Variants in SHISA9 observed in about 807,000 individuals in gnomAD.
SHISA9 encodes protein shisa-9.
SHISA9 carries 13 observed loss-of-function variants against 38.0 expected under a neutral mutation model. The observed-to-expected ratio is 0.34, with a 90% CI of 0.22 to 0.54. The LOEUF (loss-of-function observed/expected upper bound fraction) is 0.54. Ranked by LOEUF, SHISA9 falls within the 20% of genes least tolerant of loss-of-function variation. The pLI, the probability that SHISA9 is intolerant of heterozygous loss-of-function variation, is 0.91. For synonymous variants in SHISA9, 275 were observed against 242.0 expected, an observed-to-expected ratio of 1.14 and a Z score of -1.27; for missense variants, 538 against 575.8, an observed-to-expected ratio of 0.93 and a Z score of 0.67.
the SHISA9 span, among the ~76,000 whole-genome samples, chr16:13,393,169 T>C: frequency 6.6e-6 from 1 of 152,116 alleles, no homozygotes; most frequent in Non-Finnish European, 1.5e-5. Context: ...CCTGATACCC[T>C]CGTGCTCACT....
intron 2 of SHISA9, among the ~76,000 whole-genome samples, chr16:13,060,987 T>A (rs2073368587): frequency 6.6e-6 from 1 of 152,118 alleles, no homozygotes; most frequent in South Asian, 2.1e-4. Context: ...CATTTCCATG[T>A]CCCCTCCAAG....
chr16:13,419,498 T>TTTTAAACCTTAGCCTTTGTTAGCGTG, the SHISA9 span, among the ~76,000 whole-genome samples: 1 of 152,240 alleles, frequency 6.6e-6, no homozygotes, highest in African/African-American at 2.4e-5. Flanking sequence ...CATTTTTAGT[T>TTTTAAACCTTAGCCTTTGTTAGCGTG]TTTAAACCTT....
intron 2 of SHISA9, among the ~76,000 whole-genome samples, chr16:13,189,834 C>T (rs921682508): frequency 1.3e-5 from 2 of 152,004 alleles, no homozygotes; most frequent in South Asian, 2.1e-4. Context: ...ATTAGAACTG[C>T]GAGTAAAGAA....
At position 13,240,046 on chromosome 16, in the gene SHISA9, C is replaced by T. The variant is rs2051422191; in HGVS notation, c.*4637C>T. On this transcript the variant is annotated 3_prime_UTR_variant, in exon 5 of 5. Transcript: ENST00000558583. ...CTAATTCCATGCCCTGACATCAGCC[C>T]CTATTTTTTGCCTTTAGCTGTCCCC... 1 of 152,318 alleles carries T rather than the reference C, an allele frequency of 6.6e-6. No individual in the cohort carries two copies. The highest frequency in any genetic ancestry group is 2.4e-5 in the African/African-American group (1 of 41,440). The allele number at this position is 152,318 out of a possible 1,614,324, so 9.4% of individuals were successfully genotyped here.
At chr16:13,171,091 C>A (rs369788611) in intron 2 of SHISA9, among the ~76,000 whole-genome samples, 1 of 152,174 alleles carries the variant, frequency 6.6e-6, no homozygotes, top group African/African-American at 2.4e-5. Context: ...TTTCCAATCA[C>A]GGCCAAAATT....
At chr16:13,304,031 A>G in the SHISA9 span, among the ~76,000 whole-genome samples, 2 of 152,190 alleles carry the variant, frequency 1.3e-5, no homozygotes, top group East Asian at 3.8e-4. Context: ...AAAAAATAAT[A>G]AAGCAGGAAA....
At chr16:13,263,713 C>T in the SHISA9 span, among the ~76,000 whole-genome samples, 4 of 152,164 alleles carry the variant, frequency 2.6e-5, no homozygotes, top group African/African-American at 9.7e-5. Flanking sequence ...TCCTACATGA[C>T]TGTGTATAAA....
the SHISA9 span, among the ~76,000 whole-genome samples, chr16:13,551,630 A>G: frequency 6.6e-6 from 1 of 152,208 alleles, no homozygotes; most frequent in Non-Finnish European, 1.5e-5. Flanking sequence ...CCACATGCAT[A>G]CAATCATTAC....
chr16:13,062,175 A>C (rs1206433761), intron 2 of SHISA9, among the ~76,000 whole-genome samples: 1 of 149,516 alleles, frequency 6.7e-6, no homozygotes, highest in Non-Finnish European at 1.5e-5. Context: ...CAAGTATGGC[A>C]GGGGACTTAC....
chr16:13,068,870 T>C (rs8055001), intron 2 of SHISA9, among the ~76,000 whole-genome samples: 27 of 152,090 alleles, frequency 1.8e-4, no homozygotes, highest in African/African-American at 6.0e-4. Flanking sequence ...ATGCAATGTG[T>C]GTATGTGTAT....
At chr16:13,561,006 G>A in the SHISA9 span, among the ~76,000 whole-genome samples, 2 of 152,060 alleles carry the variant, frequency 1.3e-5, no homozygotes, top group Admixed American at 1.3e-4. Flanking sequence ...TGGGATTACA[G>A]GCGTCCGACA....
intron 2 of SHISA9, among the ~76,000 whole-genome samples, chr16:13,136,396 C>CTTTTTTTTTTT (rs35122409): frequency 7.3e-5 from 5 of 68,088 alleles, no homozygotes; most frequent in Admixed American, 1.9e-4. Flanking sequence ...CAGTTTCCTT[C>CTTTTTTTTTTT]TTTTTTTTTT....
chr16:12,920,434 C>T (rs1260775453), intron 2 of SHISA9, among the ~76,000 whole-genome samples: 4 of 152,116 alleles, frequency 2.6e-5, no homozygotes, highest in African/African-American at 9.7e-5. Flanking sequence ...TTTGATAGCA[C>T]AACAGGGTGA....
chr16:13,335,419 C>A, the SHISA9 span, among the ~76,000 whole-genome samples: 1 of 152,304 alleles, frequency 6.6e-6, no homozygotes, highest in African/African-American at 2.4e-5. Flanking sequence ...CTTTCAATAT[C>A]TATCCCCTAC....
the SHISA9 span, among the ~76,000 whole-genome samples, chr16:13,428,372 C>T: frequency 6.6e-6 from 1 of 152,176 alleles, no homozygotes; most frequent in South Asian, 2.1e-4. Context: ...TCAGTGGAGC[C>T]CTCCTGAATG....
chr16:13,244,536 C>T (rs1266533015), downstream of SHISA9, among the ~76,000 whole-genome samples: 1 of 152,172 alleles, frequency 6.6e-6, no homozygotes, highest in Non-Finnish European at 1.5e-5. Context: ...CATAAGCACA[C>T]AGTGTTATAT....
At chr16:13,234,984 C>G in intron 4 of SHISA9, 46 bp from the exon 5 acceptor site, 2 of 1,492,904 alleles carry the variant, frequency 1.3e-6, no homozygotes, top group Non-Finnish European at 1.8e-6. Flanking sequence ...CTCTCTCTCT[C>G]TCTTCTCTTT....
At chr16:13,444,383 A>G in the SHISA9 span, among the ~76,000 whole-genome samples, 1 of 128,028 alleles carries the variant, frequency 7.8e-6, no homozygotes, top group African/African-American at 3.0e-5. Context: ...GAAAGAGAGA[A>G]GAAGGAAAGA....
At chr16:13,328,964 G>A in the SHISA9 span, among the ~76,000 whole-genome samples, 2 of 152,060 alleles carry the variant, frequency 1.3e-5, no homozygotes, top group Non-Finnish European at 2.9e-5. Context: ...ATAGACAAGC[G>A]AGCTGGAAGC....
Sources: allele counts gnomAD v4.1 joint callset (sites outside exome capture counted in the v4.1 genomes callset), GRCh38; gene constraint gnomAD v4.1.1; transcripts MANE v1.5; gene names NCBI Gene and HGNC (gene_info 2026-07-23, HGNC 2026-07-21).